Variants in PTPN14 observed in about 807,000 individuals in gnomAD.
PTPN14 encodes tyrosine-protein phosphatase non-receptor type 14.
PTPN14 carries 53 observed loss-of-function variants against 126.8 expected under a neutral mutation model. That is an observed-to-expected ratio of 0.42 (90% confidence interval 0.34 to 0.53). PTPN14 has a LOEUF of 0.53. Among genes scored for constraint, PTPN14 ranks in the 20% least tolerant of loss-of-function variants. The pLI is 0.08. For synonymous variants in PTPN14, 630 were observed against 599.3 expected, an observed-to-expected ratio of 1.05 and a Z score of -0.75; for missense variants, 1,257 against 1,552.9, an observed-to-expected ratio of 0.81 and a Z score of 3.20.
At chr1:214,358,866 C>T (rs529280423) in intron 18 of PTPN14, among the ~76,000 whole-genome samples, 49 of 151,792 alleles carry the variant, frequency 3.2e-4, no homozygotes, top group South Asian at 2.3e-3. Context: ...CCTCAGCCTC[C>T]GGAGTAGCTG....
At chr1:214,382,752 A>C (rs1306048627) in intron 13 of PTPN14, among the ~76,000 whole-genome samples, 1 of 152,234 alleles carries the variant, frequency 6.6e-6, no homozygotes, top group Non-Finnish European at 1.5e-5. Flanking sequence ...TGACAGAATA[A>C]GTTCAATGGA....
rs554019416 is a variant in PTPN14, at chr1:214,466,790, C to T, written c.-154-1833G>A. On this transcript the variant is annotated intron_variant, in intron 1 of 18. Transcript: ENST00000366956. ...GCCGACACAGGATTACCCCCTGAGC[C>T]CCAAGACACTTGGATGTACAAATAG... 1.9e-4 allele frequency among the ~76,000 whole-genome samples: 29 copies of T among 152,210 alleles called. No homozygotes were observed. In the South Asian group the frequency reaches 6.0e-3, roughly 32 times the overall value.
Position 214,464,945 on chromosome 1 carries a change from C to T in PTPN14, c.-142G>A. 1 of 1,007,782 alleles carries T rather than the reference C, an allele frequency of 9.9e-7. No homozygotes were observed. The highest frequency in any genetic ancestry group is 1.4e-6 in the Non-Finnish European group (1 of 703,806). The allele number at this position is 1,007,782 out of a possible 1,614,324, so 62.4% of individuals were successfully genotyped here. On this transcript the variant is annotated 5_prime_UTR_variant, in exon 2 of 19. Transcript: ENST00000366956. ...AAGGGTGTCCATGCCCAGTGTGGCC[C>T]TCTGGAAGATAGCTGTAAATGCAAA... is the stretch of plus-strand genomic sequence containing the variant.
At chr1:214,391,167 G>A (rs1229361603) in intron 10 of PTPN14, 122 bp from the exon 11 acceptor site, 6 of 590,340 alleles carry the variant, frequency 1.0e-5, no homozygotes, top group African/African-American at 7.7e-5. Flanking sequence ...AAACATAAAC[G>A]TGGCTTATTT....
Position 214,372,730 on chromosome 1 carries a change from G to A in PTPN14, c.3017C>T (p.Ala1006Val), listed in dbSNP as rs1400998275. 6.2e-7 allele frequency: 1 copy of A among 1,614,012 alleles called. No individual in the cohort carries two copies. The highest frequency in any genetic ancestry group is 1.3e-5 in the African/African-American group (1 of 75,046). ...MVWEQGVNVI[A>V]MVTAEEEGGR... ...CCTTACCTCCTCTGCAGTGACCATG[G>A]CAATCACATTCACTCCCTGCTCCCA... The change falls in exon 16 of 19, where the codon GCC becomes GTC. Residue 1006 changes from alanine (A) to valine (V), a missense_variant. Physicochemically the swap from Ala to Val is moderately conservative, Grantham distance 64. Transcript: ENST00000366956.
intron 5 of PTPN14, among the ~76,000 whole-genome samples, chr1:214,410,966 T>C (rs924668973): frequency 2.6e-5 from 4 of 152,232 alleles, no homozygotes; most frequent in African/African-American, 7.2e-5. Context: ...AATTTTAGGA[T>C]TGTTTTCTAT....
At chr1:214,534,164 T>C (rs868338541) in intron 1 of PTPN14, among the ~76,000 whole-genome samples, 49 of 152,146 alleles carry the variant, frequency 3.2e-4, no homozygotes, top group African/African-American at 9.9e-4. Flanking sequence ...AACTTAAAGA[T>C]TGATGATGCT....
chr1:214,436,778 CTCCG>C (rs1365572436), intron 3 of PTPN14, among the ~76,000 whole-genome samples: 1 of 118,344 alleles, frequency 8.4e-6, no homozygotes, highest in Non-Finnish European at 1.7e-5. Flanking sequence ...CAGAGAAAGA[CTCCG>C]TCTCAAAAAA....
Position 214,485,663 on chromosome 1 carries a change from C to T in PTPN14, c.-154-20706G>A, listed in dbSNP as rs568713920. ...ATGTAACCACAGACATGGAGAGTTT[C>T]TGTACTGCGCCTAAATGCATGAAGA... On this transcript the variant is annotated intron_variant, in intron 1 of 18. Transcript: ENST00000366956. Among the ~76,000 whole-genome samples the T allele has an allele frequency of 1.5e-3, 230 of 152,264 alleles. 1 individual carries two copies. Among genetic ancestry groups the T allele is most frequent in the African/African-American group, 5.3e-3 (222 of 41,562 alleles).
chr1:214,376,276 T>G lies in PTPN14; in HGVS notation c.2850A>C (p.Val950=). 1.9e-6 allele frequency: 3 copies of G among 1,614,232 alleles called. No individual in the cohort carries two copies. The highest frequency in any genetic ancestry group is 2.5e-6 in the Non-Finnish European group (3 of 1,180,040). Reference sequence around the variant, plus strand: ...TATTTTCTTTGGTTGGTATCAGCTCTACTCGATTCTCCTCATAGGGGACAA... The same window carrying G: ...TATTTTCTTTGGTTGGTATCAGCTCGACTCGATTCTCCTCATAGGGGACAA... The part of the protein sequence containing the change: ...REVVPYEENR[V]ELIPTKENNT... Residue 950 remains valine (V), a synonymous_variant, in exon 15 of 19, where the codon GTA becomes GTC. Coordinates refer to ENST00000366956, the MANE Select transcript of PTPN14 (RefSeq NM_005401.5).
chr1:214,402,539 C>CG (rs1230580394), intron 6 of PTPN14, among the ~76,000 whole-genome samples: 18 of 150,040 alleles, frequency 1.2e-4, no homozygotes, highest in Non-Finnish European at 2.5e-4. Flanking sequence ...AAGTTTCTCT[C>CG]TTTTTCTTTC....
intron 3 of PTPN14, among the ~76,000 whole-genome samples, chr1:214,415,425 C>A (rs1659404005): frequency 6.6e-6 from 1 of 152,204 alleles, no homozygotes; most frequent in Non-Finnish European, 1.5e-5. Flanking sequence ...GAAAACTTCT[C>A]ACTCAAGACG....
intron 18 of PTPN14, 126 bp from the exon 19 acceptor site, chr1:214,358,176 T>C: frequency 8.4e-7 from 1 of 1,188,596 alleles, no homozygotes; most frequent in South Asian, 1.8e-5. Context: ...GGCAAGGGAC[T>C]CTGCCCTGGC....
At chr1:214,410,570 C>T (rs1432576209) in intron 5 of PTPN14, among the ~76,000 whole-genome samples, 5 of 152,184 alleles carry the variant, frequency 3.3e-5, no homozygotes, top group Non-Finnish European at 5.9e-5. Flanking sequence ...AGATTATGGG[C>T]GTGAGCCACC....
chr1:214,402,941 C>T lies in PTPN14; in HGVS notation c.523G>A (p.Glu175Lys), dbSNP rs781316965. 4 of 1,613,980 alleles carry T rather than the reference C, an allele frequency of 2.5e-6. No individual in the cohort carries two copies. In the East Asian group the frequency reaches 8.9e-5, roughly 36 times the overall value. The change falls in exon 6 of 19, where the codon GAA (glutamate) becomes AAA (lysine). Residue 175 changes from glutamate (E) to lysine (K), a missense_variant. By Grantham distance (56) the Glu-to-Lys change is moderately conservative. This residue lies in a region of PTPN14 where 1,021 missense variants were observed against 1,183.3 expected (regional missense o/e 0.86). Coordinates refer to ENST00000366956, the MANE Select transcript of PTPN14 (RefSeq NM_005401.5). ...YVLFPMDLAL[E>K]EAVLEELTQK... ...GTCAGCTCCTCCAGAACAGCCTCTT[C>T]CAGGGCCAAATCCTATAAGAATAGA...
intron 3 of PTPN14, among the ~76,000 whole-genome samples, chr1:214,418,251 C>G (rs1265704716): frequency 6.6e-6 from 1 of 152,220 alleles, no homozygotes; most frequent in Non-Finnish European, 1.5e-5. Context: ...GGGAACAGAG[C>G]CTCAGACGAC....
chr1:214,398,605 C>A (rs1658941707), intron 7 of PTPN14, among the ~76,000 whole-genome samples: 1 of 98,324 alleles, frequency 1.0e-5, no homozygotes, highest in Admixed American at 1.1e-4. Flanking sequence ...CACCACCATG[C>A]CCTGCTAATT....
chr1:214,457,225 G>A (rs1262771150), intron 2 of PTPN14, among the ~76,000 whole-genome samples: 1 of 152,132 alleles, frequency 6.6e-6, no homozygotes, highest in Admixed American at 6.6e-5. Context: ...GGGTAAAACA[G>A]CTTTTAGTAA....
intron 1 of PTPN14, among the ~76,000 whole-genome samples, chr1:214,484,592 C>A (rs559361548): frequency 6.6e-6 from 1 of 152,098 alleles, no homozygotes; most frequent in East Asian, 1.9e-4. Flanking sequence ...TTTCAGAAAC[C>A]CCCCCAACAC....
Sources: gnomAD v4.1 joint callset for allele counts (sites outside exome capture counted in the v4.1 genomes callset) on GRCh38, gnomAD v4.1.1 for gene constraint, gnomAD v4.1.1 regional missense constraint, MANE v1.5 for transcripts, NCBI Gene and HGNC (gene_info 2026-07-23, HGNC 2026-07-21) for gene names.